The following VPS13B variants were observed in gnomAD, a reference collection of about 807,000 sequenced individuals.
VPS13B encodes the protein vacuolar protein sorting 13 homolog B, also known as intermembrane lipid transfer protein VPS13B.
In VPS13B, 285 loss-of-function variants were observed where a neutral mutation model predicts 426.4. The observed-to-expected ratio is 0.67, with a 90% CI of 0.61 to 0.74. VPS13B has a LOEUF of 0.74. Ranked by LOEUF, VPS13B falls within the 30% of genes least tolerant of loss-of-function variation. The pLI, the probability that VPS13B is intolerant of heterozygous loss-of-function variation, is 0.00. For synonymous variants in VPS13B, 1,676 were observed against 1,676.4 expected (o/e 1.00, Z 0.01); for missense variants, 4,537 against 4,782.6 (o/e 0.95, Z 1.51).
intron 23 of VPS13B, among the ~76,000 whole-genome samples, chr8:99,458,971 G>A (rs975260955): frequency 6.6e-6 from 1 of 152,152 alleles, no homozygotes; most frequent in Non-Finnish European, 1.5e-5. Flanking sequence ...TGCTTTTGGT[G>A]TTTTAGTCAT....
At chr8:99,574,806 G>A (rs1825690316) in intron 31 of VPS13B, among the ~76,000 whole-genome samples, 1 of 151,926 alleles carries the variant, frequency 6.6e-6, no homozygotes, top group Non-Finnish European at 1.5e-5. Flanking sequence ...ATAATAATGG[G>A]GCTATTAACA....
intron 3 of VPS13B, among the ~76,000 whole-genome samples, chr8:99,050,481 GCC>G: frequency 6.6e-6 from 1 of 152,132 alleles, no homozygotes; most frequent in Admixed American, 6.5e-5. Flanking sequence ...TGTGAATAGT[GCC>G]TCAATAAACA....
At chr8:99,405,094 A>G (rs1815252202) in intron 21 of VPS13B, among the ~76,000 whole-genome samples, 1 of 152,196 alleles carries the variant, frequency 6.6e-6, no homozygotes, top group Non-Finnish European at 1.5e-5. Flanking sequence ...ACAGATGCCT[A>G]CATAATGAAA....
intron 17 of VPS13B, among the ~76,000 whole-genome samples, chr8:99,249,645 G>C (rs1026166310): frequency 6.6e-6 from 1 of 152,006 alleles, no homozygotes; most frequent in African/African-American, 2.4e-5. Context: ...GGATGGTCTC[G>C]ATCTCCTGAC....
At chr8:99,549,760 C>G in intron 30 of VPS13B, among the ~76,000 whole-genome samples, 1 of 152,128 alleles carries the variant, frequency 6.6e-6, no homozygotes, top group East Asian at 1.9e-4. Context: ...TCCCCTGCCT[C>G]TCTCCAGGCC....
At chr8:99,172,946 A>C (rs1812433846) in intron 16 of VPS13B, among the ~76,000 whole-genome samples, 1 of 152,098 alleles carries the variant, frequency 6.6e-6, no homozygotes, top group African/African-American at 2.4e-5. Flanking sequence ...ATTTAATCAA[A>C]GTTTGCTTTT....
intron 23 of VPS13B, among the ~76,000 whole-genome samples, chr8:99,465,149 G>T (rs184249970): frequency 1.2e-4 from 18 of 152,192 alleles, no homozygotes; most frequent in African/African-American, 3.9e-4. Context: ...GGCCAGTCAT[G>T]GATGTCTGAA....
intron 30 of VPS13B, chr8:99,536,743 A>G (rs1199911990): frequency 5.6e-6 from 3 of 533,384 alleles, no homozygotes; most frequent in Non-Finnish European, 1.2e-5. Context: ...CATTAAACGT[A>G]TTCCCAGTCA....
chr8:99,132,246 C>T (rs1172631464), intron 8 of VPS13B, among the ~76,000 whole-genome samples: 1 of 152,136 alleles, frequency 6.6e-6, no homozygotes, highest in African/African-American at 2.4e-5. Context: ...TCAAACACTA[C>T]TGCTGCTTTA....
At chr8:99,497,558 A>T (rs1386347082) in intron 25 of VPS13B, among the ~76,000 whole-genome samples, 1 of 151,942 alleles carries the variant, frequency 6.6e-6, no homozygotes, top group Non-Finnish European at 1.5e-5. Flanking sequence ...TTGTTAAAAA[A>T]ATTAAGCATG....
chr8:99,232,825 G>A (rs1294899720), intron 17 of VPS13B, among the ~76,000 whole-genome samples: 1 of 152,216 alleles, frequency 6.6e-6, no homozygotes, highest in Non-Finnish European at 1.5e-5. Context: ...GGAGGTAGGA[G>A]GCAGGGCCCG....
intron 33 of VPS13B, 92 bp from the exon 34 acceptor site, chr8:99,641,719 A>C (rs1476843960): frequency 1.5e-6 from 2 of 1,306,362 alleles, no homozygotes; most frequent in Non-Finnish European, 1.0e-6. Context: ...CATTTTTAAA[A>C]TTTTCTCTTT....
At chr8:99,423,164 A>C (rs1428472003) in intron 21 of VPS13B, among the ~76,000 whole-genome samples, 2 of 151,870 alleles carry the variant, frequency 1.3e-5, no homozygotes, top group African/African-American at 4.8e-5. Context: ...CTGATGCTGA[A>C]TATCTTTTAT....
intron 17 of VPS13B, among the ~76,000 whole-genome samples, chr8:99,223,256 T>C (rs1815830298): frequency 2.6e-5 from 4 of 152,170 alleles, no homozygotes; most frequent in Admixed American, 2.6e-4. Flanking sequence ...CTGCTTAAGA[T>C]AATAGTGGAA....
intron 16 of VPS13B, among the ~76,000 whole-genome samples, chr8:99,173,622 A>G (rs1812478050): frequency 6.6e-6 from 1 of 152,184 alleles, no homozygotes; most frequent in South Asian, 2.1e-4. Flanking sequence ...AATGCCTTAA[A>G]ACTACTAAGC....
intron 2 of VPS13B, 60 bp from the exon 3 acceptor site, chr8:99,038,363 A>G (rs566403711): frequency 4.6e-5 from 63 of 1,357,306 alleles, no homozygotes; most frequent in Admixed American, 2.9e-4. Flanking sequence ...AGAAATTTGC[A>G]TATTATAATA....
At chr8:99,186,961 C>T (rs985117970) in intron 16 of VPS13B, among the ~76,000 whole-genome samples, 5 of 151,962 alleles carry the variant, frequency 3.3e-5, no homozygotes, top group Non-Finnish European at 7.4e-5. Context: ...GAAAGGGTAC[C>T]ATATACGGTA....
chr8:99,573,789 T>C (rs1825615747), intron 31 of VPS13B, among the ~76,000 whole-genome samples: 1 of 152,116 alleles, frequency 6.6e-6, no homozygotes, highest in Admixed American at 6.6e-5. Flanking sequence ...GAGGGCTCTT[T>C]TTTGGTTCCA....
intron 40 of VPS13B, among the ~76,000 whole-genome samples, chr8:99,774,722 A>C (rs1811660026): frequency 6.6e-6 from 1 of 152,208 alleles, no homozygotes; most frequent in African/African-American, 2.4e-5. Context: ...AAACACATGT[A>C]CAACTAATAT....
Sources: gnomAD v4.1 joint callset for allele counts (sites outside exome capture counted in the v4.1 genomes callset) on GRCh38, gnomAD v4.1.1 for gene constraint, MANE v1.5 for transcripts, NCBI Gene and HGNC (gene_info 2026-07-23, HGNC 2026-07-21) for gene names.